FHIT: variants seen among roughly 807,000 people sequenced by gnomAD.
The protein encoded by FHIT is fragile histidine triad diadenosine triphosphatase.
FHIT carries 19 observed loss-of-function variants against 17.9 expected under a neutral mutation model. The ratio of observed to expected loss-of-function variants is 1.06; its 90% confidence interval spans 0.74 to 1.56. The LOEUF is 1.56. FHIT is among the 40% of genes most tolerant of loss of function. FHIT has a pLI of 0.00. For synonymous variants in FHIT, 81 were observed against 69.7 expected (o/e 1.16, Z -0.81); for missense variants, 248 against 189.2 (o/e 1.31, Z -1.82).
intron 3 of FHIT, among the ~76,000 whole-genome samples, chr3:60,836,095 T>A (rs1277050854): frequency 6.6e-6 from 1 of 152,234 alleles, no homozygotes; most frequent in Non-Finnish European, 1.5e-5. Flanking sequence ...CTATGTTGAA[T>A]AGGAGTGGTG....
intron 8 of FHIT, among the ~76,000 whole-genome samples, chr3:59,868,042 T>G (rs2106884492): frequency 7.0e-6 from 1 of 142,840 alleles, no homozygotes; most frequent in South Asian, 2.2e-4. Flanking sequence ...ATGTTTTTTT[T>G]TTTTTAAAAA....
chr3:60,995,585 T>C (rs983590465), intron 3 of FHIT, among the ~76,000 whole-genome samples: 1 of 152,270 alleles, frequency 6.6e-6, no homozygotes, highest in African/African-American at 2.4e-5. Context: ...ACCTGGATGT[T>C]ATGCAGAATG....
intron 5 of FHIT, among the ~76,000 whole-genome samples, chr3:60,052,389 T>C (rs1701916905): frequency 6.6e-6 from 1 of 152,096 alleles, no homozygotes; most frequent in Non-Finnish European, 1.5e-5. Flanking sequence ...CTAGAGTCCT[T>C]AGAATCTTTG....
At chr3:60,446,330 G>T (rs1228672160) in intron 5 of FHIT, among the ~76,000 whole-genome samples, 1 of 152,078 alleles carries the variant, frequency 6.6e-6, no homozygotes, top group Non-Finnish European at 1.5e-5. Context: ...CTGCATGATG[G>T]TATCTCCCAC....
chr3:59,929,537 A>G (rs1463911505), intron 7 of FHIT, among the ~76,000 whole-genome samples: 2 of 149,758 alleles, frequency 1.3e-5, no homozygotes, highest in Admixed American at 6.7e-5. Context: ...TGCCCGGCTA[A>G]TTTTTTTTTG....
At chr3:60,062,269 G>C (rs1702323368) in intron 5 of FHIT, among the ~76,000 whole-genome samples, 1 of 152,008 alleles carries the variant, frequency 6.6e-6, no homozygotes, top group Admixed American at 6.5e-5. Flanking sequence ...AGGAGATGCT[G>C]AAACAATGAA....
At chr3:60,702,525 T>A (rs1441759248) in intron 4 of FHIT, among the ~76,000 whole-genome samples, 1 of 151,988 alleles carries the variant, frequency 6.6e-6, no homozygotes, top group Non-Finnish European at 1.5e-5. Context: ...TCCAAAGTAA[T>A]TTTTTTCTAT....
chr3:60,350,751 GC>G (rs1341071324), intron 5 of FHIT, among the ~76,000 whole-genome samples: 2 of 152,090 alleles, frequency 1.3e-5, no homozygotes, highest in East Asian at 1.9e-4. Context: ...CCATGATCCA[GC>G]CCCCTGTATT....
At chr3:60,424,235 G>C (rs1380143098) in intron 5 of FHIT, among the ~76,000 whole-genome samples, 1 of 152,066 alleles carries the variant, frequency 6.6e-6, no homozygotes, top group African/African-American at 2.4e-5. Context: ...GCCAAGGTTT[G>C]AACAGAAGGT....
rs947073363 is a variant in FHIT, at chr3:60,160,136, GTGTGTGTC to G, written c.104-145992_104-145985del. ...CCATTCTGTGCTTATGTGTGTGTGTGTGTGTGTCTGTGTGTCTGTGTGTCTGTGTGTGT... is the reference window on the plus strand; with the variant it reads ...CCATTCTGTGCTTATGTGTGTGTGTGTGTGTGTCTGTGTGTCTGTGTGTGT... On this transcript the variant is annotated intron_variant, in intron 5 of 9. Transcript: ENST00000492590. 4.3e-4 allele frequency among the ~76,000 whole-genome samples: 62 copies of G among 142,712 alleles called. No individual in the cohort carries two copies. The East Asian group carries it at 7.5e-3, about 17-fold the overall frequency. 93.6% of individuals were successfully genotyped at this position (142,712 alleles called of 152,430 possible).
chr3:60,879,070 C>T (rs1704829465), intron 3 of FHIT, among the ~76,000 whole-genome samples: 1 of 152,232 alleles, frequency 6.6e-6, no homozygotes, highest in Non-Finnish European at 1.5e-5. Flanking sequence ...GCCACACTGA[C>T]TTCCACAATG....
chr3:61,011,546 C>A lies in FHIT; in HGVS notation c.-111+30501G>T, dbSNP rs148181761. Among the ~76,000 whole-genome samples the A allele has an allele frequency of 2.9e-3, 446 of 152,168 alleles. 6 individuals carry two copies. Among genetic ancestry groups the A allele is most frequent in the African/African-American group, 0.01 (416 of 41,512 alleles). ...CGTACCTTCATTCTTCTGCTTTATA[C>A]AGTCTATAACTGTATAAAGTCTTCC... On this transcript the variant is annotated intron_variant, in intron 3 of 9. Transcript: ENST00000492590.
At chr3:60,339,435 C>A (rs1710406023) in intron 5 of FHIT, among the ~76,000 whole-genome samples, 2 of 152,074 alleles carry the variant, frequency 1.3e-5, no homozygotes, top group Admixed American at 6.5e-5. Context: ...AATTAACTTA[C>A]CAGGCAGCAG....
intron 4 of FHIT, among the ~76,000 whole-genome samples, chr3:60,733,687 C>T (rs782436466): frequency 6.6e-6 from 1 of 152,142 alleles, no homozygotes; most frequent in Non-Finnish European, 1.5e-5. Context: ...CTCTTTTAGC[C>T]TTTAGTATGT....
chr3:60,717,461 A>G (rs538715459), intron 4 of FHIT, among the ~76,000 whole-genome samples: 2 of 152,246 alleles, frequency 1.3e-5, no homozygotes, highest in East Asian at 3.9e-4. Context: ...ATACCTTAAT[A>G]AAGGTGGGGT....
intron 3 of FHIT, among the ~76,000 whole-genome samples, chr3:60,850,292 C>T (rs1262946768): frequency 6.7e-6 from 1 of 148,922 alleles, no homozygotes; most frequent in Non-Finnish European, 1.5e-5. Context: ...ACTTTGTTGC[C>T]ATTTCCATGT....
chr3:61,054,300 T>C (rs1219945305), intron 2 of FHIT, among the ~76,000 whole-genome samples: 3 of 152,190 alleles, frequency 2.0e-5, no homozygotes, highest in Non-Finnish European at 4.4e-5. Context: ...TTCAGTAATG[T>C]AGCTATAATT....
intron 1 of FHIT, among the ~76,000 whole-genome samples, chr3:61,249,157 C>T (rs2040553738): frequency 6.6e-6 from 1 of 152,140 alleles, no homozygotes; most frequent in Admixed American, 6.5e-5. Context: ...AAGAGCTACA[C>T]ATCTGGTGTT....
intron 8 of FHIT, among the ~76,000 whole-genome samples, chr3:59,860,797 G>A (rs1235116689): frequency 1.3e-5 from 2 of 152,026 alleles, no homozygotes; most frequent in Non-Finnish European, 2.9e-5. Flanking sequence ...GAAAATAGAA[G>A]GAAAAAGAAT....
Sources: gnomAD v4.1 joint callset for allele counts (sites outside exome capture counted in the v4.1 genomes callset) on GRCh38, gnomAD v4.1.1 for gene constraint, MANE v1.5 for transcripts, NCBI Gene and HGNC (gene_info 2026-07-23, HGNC 2026-07-21) for gene names.